The following SOS2 variants were observed in gnomAD, a reference collection of about 807,000 sequenced individuals.
SOS2 encodes the protein SOS Ras/Rho guanine nucleotide exchange factor 2.
In SOS2, 65 loss-of-function variants were observed where a neutral mutation model predicts 148.2. The observed-to-expected ratio is 0.44, with a 90% CI of 0.36 to 0.54. The LOEUF (loss-of-function observed/expected upper bound fraction) is 0.54. Ranked by LOEUF, SOS2 falls within the 20% of genes least tolerant of loss-of-function variation. SOS2 has a pLI of 0.00. For missense variants in SOS2, 1,341 were observed against 1,590.2 expected, an observed-to-expected ratio of 0.84 and a Z score of 2.67; for synonymous variants, 539 against 537.1, an observed-to-expected ratio of 1.00 and a Z score of -0.05.
chr14:50,172,288 T>C (rs1012426899), intron 8 of SOS2, among the ~76,000 whole-genome samples: 3 of 152,172 alleles, frequency 2.0e-5, no homozygotes, highest in African/African-American at 7.2e-5. Context: ...TTCTAAGGCT[T>C]GTCTTTCCAT....
intron 1 of SOS2, among the ~76,000 whole-genome samples, chr14:50,209,652 G>C (rs548830405): frequency 6.6e-6 from 1 of 151,906 alleles, no homozygotes; most frequent in Non-Finnish European, 1.5e-5. Context: ...CCAGCTACAC[G>C]GGAGGCTGAT....
rs1337090485 is a variant in SOS2 at position 50,174,454 on chromosome 14, C to T, written c.1068G>A (p.Lys356=). ...YHCWHYFELL[K]QLKACSEEQE... is the part of the protein sequence containing the mutation. The stretch of plus-strand genomic sequence containing the variant: ...TTGAGATTCTGTTATAAAACCTTAC[C>T]TTTAGTAACTCAAAGTAGTGCCAAC... Residue 356 remains lysine (K), a splice_region_variant and synonymous_variant, in exon 8 of 23, where the codon AAG becomes AAA. Coordinates refer to ENST00000216373, the MANE Select transcript of SOS2 (RefSeq NM_006939.4). 6.4e-7 allele frequency: 1 copy of T among 1,562,378 alleles called. No individual in the cohort carries two copies. Among genetic ancestry groups the T allele is most frequent in the Admixed American group, 1.7e-5 (1 of 57,242 alleles).
At chr14:50,201,534 A>G (rs1485630591) in intron 2 of SOS2, among the ~76,000 whole-genome samples, 2 of 4,112 alleles carry the variant, frequency 4.9e-4, no homozygotes, top group South Asian at 5.5e-3. Flanking sequence ...CCCCAACAGA[A>G]AAAAAAAAAA....
chr14:50,140,550 C>T (rs1884236038), intron 16 of SOS2, among the ~76,000 whole-genome samples: 1 of 152,124 alleles, frequency 6.6e-6, no homozygotes. Context: ...TTAATTTTTA[C>T]TTCAGAAAGA....
At chr14:50,173,333 G>T (rs1051874687) in intron 8 of SOS2, among the ~76,000 whole-genome samples, 1 of 152,106 alleles carries the variant, frequency 6.6e-6, no homozygotes, top group Non-Finnish European at 1.5e-5. Flanking sequence ...GAATATATAT[G>T]ATTATTTCTA....
intron 1 of SOS2, among the ~76,000 whole-genome samples, chr14:50,213,656 G>A (rs1018584477): frequency 6.6e-6 from 1 of 151,958 alleles, no homozygotes; most frequent in East Asian, 1.9e-4. Flanking sequence ...GGCCGACAGA[G>A]TGAGACCCTG....
At chr14:50,133,740 C>G (rs961758698) in intron 19 of SOS2, among the ~76,000 whole-genome samples, 9 of 152,336 alleles carry the variant, frequency 5.9e-5, no homozygotes, top group African/African-American at 1.9e-4. Flanking sequence ...CCAGAGGCAA[C>G]TATGGACCAT....
upstream of SOS2, among the ~76,000 whole-genome samples, chr14:50,231,836 G>T (rs1189749063): frequency 1.3e-5 from 2 of 152,306 alleles, no homozygotes; most frequent in African/African-American, 2.4e-5. Context: ...GCTATGGCGC[G>T]CACAGCGCTG....
rs758433120 is a variant in SOS2 at position 50,188,502 on chromosome 14, G to T, written c.709C>A (p.Pro237Thr). ...AFLSDRKLFK[P>T]SDIEKIFSNI... ...AAACCCAAAAAGGTACTTACAGAAG[G>T]TTTAAACAGCTTTCTATCAGAAAGA... The change falls in exon 5 of 23, where the codon CCT becomes ACT. Residue 237 changes from proline to threonine, a missense_variant. Coordinates refer to ENST00000216373, the MANE Select transcript of SOS2 (RefSeq NM_006939.4). 3 of 1,598,976 alleles carry T rather than the reference G, an allele frequency of 1.9e-6. No individual in the cohort carries two copies. Among genetic ancestry groups the T allele is most frequent in the East Asian group, 4.5e-5 (2 of 44,746 alleles).
Position 50,145,486 on chromosome 14 carries a change from C to A in SOS2, c.2495G>T (p.Trp832Leu). ...GTAAATTAAAACTTACTTTTCAAAC[C>A]AGAGGGTGAGATTTGTGGTATGGCG... ...MIRHTTNLTL[W>L]FEKCIVEAEN... The change falls in exon 15 of 23, where the codon TGG becomes TTG. Residue 832 changes from tryptophan (W) to leucine (L), a missense_variant. Physicochemically the swap from Trp to Leu is moderately conservative, Grantham distance 61. Transcript: ENST00000216373. The A allele has an allele frequency of 1.2e-6, 2 of 1,602,204 alleles. No homozygotes were observed. Among genetic ancestry groups the A allele is most frequent in the Non-Finnish European group, 1.7e-6 (2 of 1,173,250 alleles).
intron 4 of SOS2, among the ~76,000 whole-genome samples, chr14:50,199,025 C>T (rs961674786): frequency 1.3e-5 from 2 of 152,070 alleles, no homozygotes; most frequent in South Asian, 2.1e-4. Flanking sequence ...TGGTGATGCA[C>T]GCCTGTGGTC....
chr14:50,120,454 C>A lies in SOS2; in HGVS notation c.3380-70G>T, dbSNP rs949181369. ...ATAAACCTTTATCACAATTTGTGAT[C>A]GATACTTCTACCATGGCATTTGTCA... On this transcript the variant is annotated intron_variant, in intron 21 of 22. Transcript: ENST00000216373. 1.1e-5 allele frequency: 8 copies of A among 741,852 alleles called. No individual in the cohort carries two copies. The African/African-American group carries it at 1.1e-4, about 10-fold the overall frequency. 46.0% of individuals were successfully genotyped at this position (741,852 alleles called of 1,614,324 possible).
At chr14:50,171,425 C>T (rs1446894343) in intron 8 of SOS2, among the ~76,000 whole-genome samples, 1 of 151,854 alleles carries the variant, frequency 6.6e-6, no homozygotes, top group African/African-American at 2.4e-5. Context: ...GTGGCTCACC[C>T]CTGTAATCCC....
At chr14:50,134,522 A>G (rs964064655) in intron 18 of SOS2, among the ~76,000 whole-genome samples, 1 of 152,188 alleles carries the variant, frequency 6.6e-6, no homozygotes, top group Non-Finnish European at 1.5e-5. Flanking sequence ...GCTCAGCAGT[A>G]GCACTACTTA....
At chr14:50,122,973 A>C (rs1436484784) in intron 21 of SOS2, among the ~76,000 whole-genome samples, 1 of 152,202 alleles carries the variant, frequency 6.6e-6, no homozygotes, top group Non-Finnish European at 1.5e-5. Context: ...AAAACTCAAA[A>C]ATTCACGTCC....
intron 14 of SOS2, among the ~76,000 whole-genome samples, chr14:50,146,384 C>T (rs972734668): frequency 3.3e-5 from 5 of 152,158 alleles, no homozygotes; most frequent in African/African-American, 4.8e-5. Flanking sequence ...CAGCTCATGC[C>T]TGTAATCCCA....
At chr14:50,149,263 A>T (rs896321337) in intron 14 of SOS2, among the ~76,000 whole-genome samples, 3 of 152,216 alleles carry the variant, frequency 2.0e-5, no homozygotes, top group African/African-American at 7.2e-5. Context: ...GAATCAACAG[A>T]TTAATGAATA....
At chr14:50,147,514 A>G (rs963966281) in intron 14 of SOS2, among the ~76,000 whole-genome samples, 1 of 2,678 alleles carries the variant, frequency 3.7e-4, no homozygotes, top group African/African-American at 1.1e-3. Flanking sequence ...CCTGTTTCTA[A>G]AAAAAAAAAA....
chr14:50,155,658 G>C (rs1290239285), intron 12 of SOS2, among the ~76,000 whole-genome samples: 2 of 152,064 alleles, frequency 1.3e-5, no homozygotes, highest in African/African-American at 4.8e-5. Flanking sequence ...CCCCAGTAAA[G>C]TCCCCAAGAA....
Sources: gnomAD v4.1 joint callset for allele counts (sites outside exome capture counted in the v4.1 genomes callset) on GRCh38, gnomAD v4.1.1 for gene constraint, MANE v1.5 for transcripts, NCBI Gene and HGNC (gene_info 2026-07-23, HGNC 2026-07-21) for gene names.